ANKLE2: variants seen among roughly 807,000 people sequenced by gnomAD.
The protein encoded by ANKLE2 is ankyrin repeat and LEM domain-containing protein 2.
A neutral mutation model predicts 84.2 loss-of-function variants in ANKLE2; 55 were observed. The observed-to-expected ratio is 0.65, with a 90% CI of 0.53 to 0.82. ANKLE2 has a LOEUF of 0.82. Ranked by LOEUF, ANKLE2 falls within the 40% of genes least tolerant of loss-of-function variation. ANKLE2 has a pLI of 0.00. For synonymous variants in ANKLE2, 551 were observed against 486.1 expected, an observed-to-expected ratio of 1.13 and a Z score of -1.76; for missense variants, 1,238 against 1,201.9, an observed-to-expected ratio of 1.03 and a Z score of -0.44.
intron 12 of ANKLE2, 138 bp from the exon 13 acceptor site, chr12:132,727,581 G>C: frequency 1.4e-6 from 1 of 730,986 alleles, no homozygotes; most frequent in South Asian, 1.9e-5. Flanking sequence ...TGGCACCGCG[G>C]GCACACACGC....
intron 7 of ANKLE2, among the ~76,000 whole-genome samples, chr12:132,739,146 A>G (rs2044071859): frequency 6.6e-6 from 1 of 152,014 alleles, no homozygotes; most frequent in South Asian, 2.1e-4. Context: ...TGGAAAAACT[A>G]CCTCCTGGGT....
intron 5 of ANKLE2, among the ~76,000 whole-genome samples, chr12:132,747,378 G>A (rs983567823): frequency 1.3e-5 from 2 of 149,702 alleles, no homozygotes; most frequent in Non-Finnish European, 3.0e-5. Context: ...ACAGCCCTGC[G>A]TGTCAGGCAG....
chr12:132,738,121 CGCTTCTCAATCCT>C (rs6144939), intron 7 of ANKLE2: 53,823 of 146,932 alleles, frequency 0.37, 10,065 homozygotes, highest in East Asian at 0.62. Flanking sequence ...CCGGCCTCCT[CGCTTCTCAATCCT>C]GCTTCTCAAT....
rs146682169 is a variant in ANKLE2 at position 132,727,954 on chromosome 12, C to T, written c.2615+78G>A. 3.9e-4 allele frequency: 600 copies of T among 1,528,126 alleles called. 1 individual carries two copies. The African/African-American group carries it at 6.1e-3, about 16-fold the overall frequency. The allele number at this position is 1,528,126 out of a possible 1,614,324, so 94.7% of individuals were successfully genotyped here. On this transcript the variant is annotated intron_variant, in intron 12 of 12. Coordinates refer to ENST00000357997, the MANE Select transcript of ANKLE2 (RefSeq NM_015114.3). ...CGTTGGGAAAAGCCACTGATAGGTT[C>T]GCATGAAGTGGAACTGGACCCTGCA...
chr12:132,753,791 C>T (rs531049115), intron 2 of ANKLE2, among the ~76,000 whole-genome samples: 2 of 151,978 alleles, frequency 1.3e-5, no homozygotes, highest in Non-Finnish European at 2.9e-5. Flanking sequence ...ATTAGCTGTG[C>T]GTGGTGGCGT....
chr12:132,730,292 C>A (rs950735152), intron 10 of ANKLE2, 22 bp from the exon 11 acceptor site: 1 of 1,530,948 alleles, frequency 6.5e-7, no homozygotes. Flanking sequence ...ACAAGGAGCA[C>A]TTCAGTGATG....
chr12:132,761,829 G>GCCCGCGC lies in ANKLE2; in HGVS notation c.-32_-31insGCGCGGG, dbSNP rs1454946761. The GCCCGCGC allele has an allele frequency of 2.3e-5, 23 of 994,548 alleles. No homozygotes were observed. In the East Asian group the frequency reaches 2.3e-3, roughly 98 times the overall value. 61.6% of individuals were successfully genotyped at this position (994,548 alleles called of 1,614,324 possible). A position where few individuals can be genotyped will look rare whatever the true frequency, so the allele number is the denominator to read the frequency against. Reference sequence around the variant, plus strand: ...CCGCCCGGGCCGCAGCCGCCGAGAAGCCCGCGCCCCGCGCCGCGCCCGTCC... The same window carrying GCCCGCGC: ...CCGCCCGGGCCGCAGCCGCCGAGAAGCCCGCGCCCCGCGCCCCGCGCCGCGCCCGTCC... On this transcript the variant is annotated 5_prime_UTR_variant, in exon 1 of 13. Coordinates refer to ENST00000357997, the MANE Select transcript of ANKLE2 (RefSeq NM_015114.3).
intron 6 of ANKLE2, chr12:132,742,100 T>A (rs2044134999): frequency 3.6e-6 from 1 of 276,114 alleles, no homozygotes; most frequent in Non-Finnish European, 7.2e-6. Context: ...TACCTGATTG[T>A]GAGCTTTAAA....
In ANKLE2 at chr12:132,754,956, AAAG is replaced by A. The variant is rs1206804634; in HGVS notation, c.356_358del (p.Ser119del). On this transcript the variant is annotated inframe_deletion, in exon 2 of 13. Transcript: ENST00000357997. ...TGTGACACCTGCCTCATGGTGGTAGAAAGAAGACAGCCTTCCTCCTTGCTCCAG... is the reference window on the plus strand; with the variant it reads ...TGTGACACCTGCCTCATGGTGGTAGAAAGACAGCCTTCCTCCTTGCTCCAG... 3.1e-6 allele frequency: 5 copies of A among 1,614,200 alleles called. No homozygotes were observed. The highest frequency in any genetic ancestry group is 1.7e-5 in the Admixed American group (1 of 60,018).
intron 2 of ANKLE2, among the ~76,000 whole-genome samples, chr12:132,754,337 T>C (rs943476035): frequency 2.0e-5 from 3 of 152,210 alleles, no homozygotes; most frequent in African/African-American, 7.2e-5. Flanking sequence ...TTCATTAACA[T>C]AAAAGATGTG....
At position 132,761,812 on chromosome 12, in the gene ANKLE2, G is replaced by T. The variant is rs1374218183; in HGVS notation, c.-14C>A. The T allele has an allele frequency of 9.7e-7, 1 of 1,027,410 alleles. No individual in the cohort carries two copies. Among genetic ancestry groups the T allele is most frequent in the African/African-American group, 1.7e-5 (1 of 57,766 alleles). 63.6% of individuals were successfully genotyped at this position (1,027,410 alleles called of 1,614,324 possible). ...CGGCCACAGCATCGCCGCCGCCCGG[G>T]CCGCAGCCGCCGAGAAGCCCGCGCC... On this transcript the variant is annotated 5_prime_UTR_variant, in exon 1 of 13. Coordinates refer to ENST00000357997, the MANE Select transcript of ANKLE2 (RefSeq NM_015114.3).
rs751883751 is a variant in ANKLE2 at position 132,748,119 on chromosome 12, G to A, written c.1041+19C>T. On this transcript the variant is annotated intron_variant, in intron 4 of 12. Transcript: ENST00000357997. ...CGGCCGGGACCGCACACCTGCCCGA[G>A]GGAACCGCCGAGACCTACCTGCACG... 3 of 1,610,052 alleles carry A rather than the reference G, an allele frequency of 1.9e-6. No individual in the cohort carries two copies. The highest frequency in any genetic ancestry group is 1.7e-6 in the Non-Finnish European group (2 of 1,177,254).
intron 10 of ANKLE2, chr12:132,733,917 C>G: frequency 2.2e-6 from 1 of 454,482 alleles, no homozygotes; most frequent in Non-Finnish European, 4.4e-6. Context: ...CAAACACAAG[C>G]AGAAACAGCA....
At chr12:132,750,119 C>G (rs988090236) in intron 3 of ANKLE2, among the ~76,000 whole-genome samples, 2 of 149,384 alleles carry the variant, frequency 1.3e-5, no homozygotes, top group East Asian at 2.0e-4. Context: ...GCAGGAGAAT[C>G]GCTTGAACCC....
intron 10 of ANKLE2, among the ~76,000 whole-genome samples, chr12:132,733,204 G>T (rs2043926542): frequency 6.7e-6 from 1 of 149,474 alleles, no homozygotes; most frequent in Non-Finnish European, 1.5e-5. Context: ...TATGCACCGT[G>T]TGAAGCTCTC....
chr12:132,732,909 G>A (rs879130192), intron 10 of ANKLE2, among the ~76,000 whole-genome samples: 10 of 98,754 alleles, frequency 1.0e-4, no homozygotes, highest in South Asian at 3.7e-4. Context: ...CGTGTGAAGC[G>A]CTCTGCATCC....
At chr12:132,755,213 T>C (rs1473569420) in intron 1 of ANKLE2, 80 bp from the exon 2 acceptor site, 27 of 1,268,884 alleles carry the variant, frequency 2.1e-5, no homozygotes, top group Non-Finnish European at 2.9e-5. Context: ...TAGGGTTCAT[T>C]ATATAATGGC....
At chr12:132,732,918 C>G (rs1189581855) in intron 10 of ANKLE2, among the ~76,000 whole-genome samples, 23 of 128,268 alleles carry the variant, frequency 1.8e-4, no homozygotes, top group South Asian at 1.6e-3. Flanking sequence ...CGCTCTGCAT[C>G]CTGGTGTCTG....
rs7959015 is a variant in ANKLE2, at chr12:132,749,224, C to T, written c.848-893G>A. The stretch of plus-strand genomic sequence containing the variant: ...AGGCTGGAGTGCAGTGGCGCGATCT[C>T]AGCTCACTGCAACCTCCGCCTTCCA... On this transcript the variant is annotated intron_variant, in intron 3 of 12. Transcript: ENST00000357997. Among the ~76,000 whole-genome samples the T allele has an allele frequency of 3.0e-3, 460 of 152,248 alleles. 3 individuals are homozygous for T. Among genetic ancestry groups the T allele is most frequent in the African/African-American group, 0.01 (433 of 41,546 alleles).
Sources: gnomAD v4.1 joint callset for allele counts (sites outside exome capture counted in the v4.1 genomes callset) on GRCh38, gnomAD v4.1.1 for gene constraint, MANE v1.5 for transcripts, NCBI Gene and HGNC (gene_info 2026-07-23, HGNC 2026-07-21) for gene names.